MFAP3L: variants seen among roughly 807,000 people sequenced by gnomAD.
MFAP3L encodes microfibril associated protein 3 like.
Under a neutral mutation model 20.0 loss-of-function variants are expected in MFAP3L, and 5 were observed. The observed-to-expected ratio is 0.25, with a 90% CI of 0.13 to 0.53. The LOEUF (loss-of-function observed/expected upper bound fraction) is 0.53. MFAP3L is among the 20% of genes least tolerant of loss of function. The pLI is 0.96. For missense variants in MFAP3L, 409 were observed against 527.5 expected (o/e 0.78, Z 2.20); for synonymous variants, 219 against 213.0 (o/e 1.03, Z -0.25).
intron 1 of MFAP3L, among the ~76,000 whole-genome samples, chr4:170,025,832 G>C (rs1039709194): frequency 6.6e-6 from 1 of 152,124 alleles, no homozygotes; most frequent in Non-Finnish European, 1.5e-5. Flanking sequence ...GCTCCTCCCT[G>C]TCCGGGTAAA....
At chr4:169,998,017 C>G (rs977509012) in intron 2 of MFAP3L, among the ~76,000 whole-genome samples, 1 of 151,986 alleles carries the variant, frequency 6.6e-6, no homozygotes, top group Non-Finnish European at 1.5e-5. Flanking sequence ...AACCAAACAA[C>G]GTAATAATAA....
intron 1 of MFAP3L, among the ~76,000 whole-genome samples, chr4:170,009,166 C>T (rs1025720300): frequency 6.6e-5 from 10 of 151,870 alleles, no homozygotes; most frequent in African/African-American, 2.2e-4. Flanking sequence ...AGGCGGATCA[C>T]GAGGTCAGGA....
In MFAP3L at chr4:169,988,616, T is replaced by G. The variant is rs1424168090; in HGVS notation, c.*2762A>C. 1 of 152,230 alleles carries G rather than the reference T, an allele frequency of 6.6e-6. No homozygotes were observed. The highest frequency in any genetic ancestry group is 1.5e-5 in the Non-Finnish European group (1 of 68,034). 9.4% of individuals were successfully genotyped at this position (152,230 alleles called of 1,614,324 possible). A position where few individuals can be genotyped will look rare whatever the true frequency, so the allele number is the denominator to read the frequency against. On this transcript the variant is annotated 3_prime_UTR_variant, in exon 3 of 3. Coordinates refer to ENST00000361618, the MANE Select transcript of MFAP3L (RefSeq NM_021647.8). ...TTCACTTTATCTTTGAAAAATCAGC[T>G]GAAAGTCATGAGGTCTTCTGCATTT...
chr4:170,025,491 C>G (rs549868285), intron 1 of MFAP3L, among the ~76,000 whole-genome samples: 1 of 152,206 alleles, frequency 6.6e-6, no homozygotes, highest in Admixed American at 6.5e-5. Context: ...AGATAATACA[C>G]CTACAAACCT....
intron 1 of MFAP3L, among the ~76,000 whole-genome samples, chr4:170,007,469 T>C (rs1160305727): frequency 3.3e-5 from 5 of 152,218 alleles, no homozygotes; most frequent in African/African-American, 9.6e-5. Flanking sequence ...CTTCGCTGGC[T>C]GTGTGTCTTG....
At position 169,991,197 on chromosome 4, in the gene MFAP3L, T is replaced by A; in HGVS notation, c.*181A>T. The stretch of plus-strand genomic sequence containing the variant: ...CACCCTGATGTTTCTCGCACCCTTC[T>A]CTACTGGGGAAATTCCAGTCCCATT... On this transcript the variant is annotated 3_prime_UTR_variant, in exon 3 of 3. Coordinates refer to ENST00000361618, the MANE Select transcript of MFAP3L (RefSeq NM_021647.8). This position sits in a 1 kb window ranked among gnomAD's most constrained non-coding sequence, Gnocchi z 4.9. 1.6e-6 allele frequency: 1 copy of A among 641,372 alleles called. No homozygotes were observed. The highest frequency in any genetic ancestry group is 3.0e-5 in the Admixed American group (1 of 33,130). 39.7% of individuals were successfully genotyped at this position (641,372 alleles called of 1,614,324 possible).
intron 1 of MFAP3L, among the ~76,000 whole-genome samples, chr4:170,020,146 T>C (rs1036695005): frequency 3.9e-5 from 6 of 152,204 alleles, no homozygotes; most frequent in African/African-American, 1.4e-4. Flanking sequence ...GTCTCTCTGG[T>C]GCTGCAAAGT....
intron 1 of MFAP3L, 104 bp from the exon 2 acceptor site, chr4:170,006,114 ACTTTT>A: frequency 1.2e-6 from 1 of 821,686 alleles, no homozygotes; most frequent in Non-Finnish European, 1.6e-6. Context: ...ACATCAACAT[ACTTTT>A]TTTTTTTTTT....
chr4:170,011,348 A>C (rs1739370681), intron 1 of MFAP3L, among the ~76,000 whole-genome samples: 1 of 152,344 alleles, frequency 6.6e-6, no homozygotes, highest in African/African-American at 2.4e-5. Context: ...TTAAGTGATA[A>C]ATCAGTTAAG....
intron 1 of MFAP3L, among the ~76,000 whole-genome samples, chr4:170,017,072 AGC>A (rs1322925707): frequency 6.6e-6 from 1 of 152,242 alleles, no homozygotes; most frequent in African/African-American, 2.4e-5. Flanking sequence ...TCAAATTCAC[AGC>A]GTAGGAACTA....
rs1280762576 is a variant in MFAP3L, at chr4:169,992,156, A to T, written c.452T>A (p.Val151Asp). 1 of 1,614,012 alleles carries T rather than the reference A, an allele frequency of 6.2e-7. No homozygotes were observed. Among genetic ancestry groups the T allele is most frequent in the Non-Finnish European group, 8.5e-7 (1 of 1,180,034 alleles). The change falls in exon 3 of 3, where the codon GTC (valine) becomes GAC (aspartate). Residue 151 changes from valine to aspartate, a missense_variant. By Grantham distance (152) the Val-to-Asp change is radical. Transcript: ENST00000361618. This position sits in a 1 kb window ranked among gnomAD's most constrained non-coding sequence, Gnocchi z 4.3. ...CACCAGGCACACGACCATGTAGTAG[A>T]CACCCATGTCTCCAGAAGTGAAGAT... ...RVIFTSGDMGVYYMVVCLVAF... is the reference protein window; with the variant it reads ...RVIFTSGDMGDYYMVVCLVAF...
chr4:170,013,150 T>G (rs1357962319), intron 1 of MFAP3L, among the ~76,000 whole-genome samples: 1 of 152,206 alleles, frequency 6.6e-6, no homozygotes, highest in Non-Finnish European at 1.5e-5. Context: ...TATGTTTTTC[T>G]GATTAAAAGT....
chr4:170,025,101 T>C (rs115713664), intron 1 of MFAP3L, among the ~76,000 whole-genome samples: 2,403 of 152,334 alleles, frequency 0.016, 59 homozygotes, highest in African/African-American at 0.055. Context: ...TGGTACTAAA[T>C]GTTTTAGGAA....
Position 170,019,128 on chromosome 4 carries a change from G to C in MFAP3L, c.-134+7106C>G, listed in dbSNP as rs143213295. On this transcript the variant is annotated intron_variant, in intron 1 of 2. Transcript: ENST00000361618. ...TTTTGAATCTTTAAGCACAGTCGCT[G>C]TTTATCTACCTACTTTCTTGCAGGG... Among the ~76,000 whole-genome samples the C allele has an allele frequency of 2.5e-3, 375 of 152,340 alleles. 1 individual carries two copies. Among genetic ancestry groups the C allele is most frequent in the Non-Finnish European group, 4.7e-3 (321 of 68,030 alleles).
intron 1 of MFAP3L, among the ~76,000 whole-genome samples, chr4:170,011,190 T>G (rs1739360826): frequency 6.6e-6 from 1 of 152,216 alleles, no homozygotes; most frequent in Admixed American, 6.5e-5. Context: ...TTAGACTTCT[T>G]TGCTTTATAA....
At chr4:170,022,362 T>A (rs1457470597) in intron 1 of MFAP3L, among the ~76,000 whole-genome samples, 1 of 152,150 alleles carries the variant, frequency 6.6e-6, no homozygotes, top group African/African-American at 2.4e-5. Context: ...CTGGCATCGG[T>A]CTGTTCCATT....
intron 1 of MFAP3L, among the ~76,000 whole-genome samples, chr4:170,011,108 C>A (rs896248546): frequency 6.6e-6 from 1 of 152,200 alleles, no homozygotes; most frequent in African/African-American, 2.4e-5. Context: ...CCGTGTAAGA[C>A]ATGCCTTTGC....
chr4:170,024,565 G>A (rs1381618307), intron 1 of MFAP3L, among the ~76,000 whole-genome samples: 4 of 152,194 alleles, frequency 2.6e-5, no homozygotes, highest in Non-Finnish European at 5.9e-5. Flanking sequence ...TTGTGTTGGA[G>A]TTTTCAAACT....
In MFAP3L at chr4:169,991,524, C is replaced by T. The variant is rs749560164; in HGVS notation, c.1084G>A (p.Asp362Asn). Reference sequence around the variant, plus strand: ...GATGTTAGCTCGGTGGACGTGACATCGGTAGAAGGTTCTGCAGTTTCGGGG... The same window carrying T: ...GATGTTAGCTCGGTGGACGTGACATTGGTAGAAGGTTCTGCAGTTTCGGGG... The part of the protein sequence containing the change: ...HSPETAEPST[D>N]VTSTELTSEE... Residue 362 changes from aspartate to asparagine, a missense_variant, in exon 3 of 3, where the codon GAT (aspartate) becomes AAT (asparagine). Asp to Asn is a conservative substitution (Grantham distance 23). Around this residue, in one of 3 missense-constraint regions of MFAP3L, gnomAD observed 169 missense variants for 178.2 expected, o/e 0.95. Transcript: ENST00000361618. The surrounding 1 kb of genome is among the most constrained non-coding windows in gnomAD (Gnocchi z 4.9). 3.7e-6 allele frequency: 6 copies of T among 1,614,026 alleles called. No individual in the cohort carries two copies. Among genetic ancestry groups the T allele is most frequent in the East Asian group, 4.5e-5 (2 of 44,890 alleles).
Sources: gnomAD v4.1 joint callset for allele counts (sites outside exome capture counted in the v4.1 genomes callset) on GRCh38, gnomAD v4.1.1 for gene constraint, gnomAD v4.1.1 regional missense constraint, Gnocchi (gnomAD v3.1) non-coding constraint, MANE v1.5 for transcripts, NCBI Gene and HGNC (gene_info 2026-07-23, HGNC 2026-07-21) for gene names.